The following HERC1 variants were observed in gnomAD, a reference collection of about 807,000 sequenced individuals.
HERC1 encodes the protein HECT and RLD domain containing E3 ubiquitin protein ligase family member 1, also known as probable E3 ubiquitin-protein ligase HERC1.
In HERC1, 160 loss-of-function variants were observed where a neutral mutation model predicts 554.3. The ratio of observed to expected loss-of-function variants is 0.29; its 90% CI spans 0.25 to 0.33. The LOEUF is 0.33. Ranked by LOEUF, HERC1 falls within the 10% of genes least tolerant of loss-of-function variation. The pLI is 1.00. For synonymous variants in HERC1, 2,175 were observed against 2,131.7 expected, an observed-to-expected ratio of 1.02 and a Z score of -0.56; for missense variants, 4,919 against 5,918.5, an observed-to-expected ratio of 0.83 and a Z score of 5.54.
chr15:63,689,157 T>C (rs750177398), intron 33 of HERC1, among the ~76,000 whole-genome samples: 15 of 151,896 alleles, frequency 9.9e-5, no homozygotes, highest in Non-Finnish European at 1.6e-4. Context: ...GTTTTGAAAA[T>C]AACAAAAGGC....
In HERC1 at chr15:63,737,710, C is replaced by T. The variant is rs532287117; in HGVS notation, c.2521-2861G>A. Among the ~76,000 whole-genome samples, 38 of 151,306 alleles carry T rather than the reference C, an allele frequency of 2.5e-4. 1 individual carries two copies. Among genetic ancestry groups the T allele is most frequent in the Admixed American group, 2.0e-4 (3 of 15,166 alleles). ...AATTTTTTAATATTGAAGGTTATGA[C>T]TTTCCCCACATCAGTTCATATCATT... On this transcript the variant is annotated intron_variant, in intron 12 of 77. Transcript: ENST00000443617.
intron 1 of HERC1, among the ~76,000 whole-genome samples, chr15:63,782,800 T>C (rs554697001): frequency 5.9e-5 from 9 of 152,290 alleles, no homozygotes; most frequent in African/African-American, 1.9e-4. Flanking sequence ...GGCCAAAGTA[T>C]CAATATTAAC....
Position 63,678,280 on chromosome 15 carries a change from A to T in HERC1, c.6635T>A (p.Leu2212Gln). Residue 2212 changes from leucine to glutamine, a missense_variant, in exon 37 of 78, where the codon CTG becomes CAG. By Grantham distance (113) the Leu-to-Gln change is moderately radical. Around this residue, in one of 11 missense-constraint regions of HERC1, gnomAD observed 1,963 missense variants for 2,228.6 expected, o/e 0.88. Coordinates refer to ENST00000443617, the MANE Select transcript of HERC1 (RefSeq NM_003922.4). Reference protein sequence around the residue: ...DPICSPVAAVLAEATIQLIRI... With the variant: ...DPICSPVAAVQAEATIQLIRI... ...GATGAGCTGAATAGTGGCCTCAGCC[A>T]GCACTGCTGCTACTGGACTACAAAT... The T allele has an allele frequency of 1.2e-6, 2 of 1,613,818 alleles. No individual in the cohort carries two copies. Among genetic ancestry groups the T allele is most frequent in the South Asian group, 2.2e-5 (2 of 91,056 alleles).
At chr15:63,611,625 C>G (rs2152705145) in intron 77 of HERC1, among the ~76,000 whole-genome samples, 1 of 152,290 alleles carries the variant, frequency 6.6e-6, no homozygotes, top group East Asian at 1.9e-4. Context: ...CAAGGCCATG[C>G]CTCAGCACAG....
chr15:63,661,082 T>C lies in HERC1; in HGVS notation c.9171-57A>G, dbSNP rs754969605. 57 of 1,242,238 alleles carry C rather than the reference T, an allele frequency of 4.6e-5. 2 individuals carry two copies. The Middle Eastern group carries it at 3.9e-3, about 86-fold the overall frequency. The allele number at this position is 1,242,238 out of a possible 1,614,324, so 77.0% of individuals were successfully genotyped here. A position where few individuals can be genotyped will look rare whatever the true frequency, so the allele number is the denominator to read the frequency against. On this transcript the variant is annotated intron_variant, in intron 45 of 77. Transcript: ENST00000443617. ...ATATAAAACAGTTAGTACCCCAAGA[T>C]GCAAATTAAGTCATTAGAACATTTT...
intron 55 of HERC1, 48 bp from the exon 56 acceptor site, chr15:63,645,730 C>A (rs776590480): frequency 3.7e-6 from 4 of 1,092,314 alleles, no homozygotes; most frequent in Non-Finnish European, 5.1e-6. Context: ...GTTTCCTTCA[C>A]AAATACTTTA....
chr15:63,690,923 A>G (rs2072069415), intron 31 of HERC1, among the ~76,000 whole-genome samples: 1 of 152,224 alleles, frequency 6.6e-6, no homozygotes, highest in African/African-American at 2.4e-5. Context: ...CATTTCACAC[A>G]CATACATTCT....
chr15:63,759,050 C>G (rs140804461), intron 3 of HERC1, among the ~76,000 whole-genome samples: 1 of 152,014 alleles, frequency 6.6e-6, no homozygotes, highest in Non-Finnish European at 1.5e-5. Context: ...TTTAATAGGG[C>G]ATTTAGAGTC....
At chr15:63,646,027 AT>A (rs1156854156) in intron 55 of HERC1, among the ~76,000 whole-genome samples, 3 of 152,228 alleles carry the variant, frequency 2.0e-5, no homozygotes, top group Non-Finnish European at 4.4e-5. Context: ...TCATTACAGT[AT>A]AAAAAAGAAG....
chr15:63,797,738 G>A (rs1049911983), intron 1 of HERC1, among the ~76,000 whole-genome samples: 11 of 152,172 alleles, frequency 7.2e-5, no homozygotes, highest in East Asian at 3.8e-4. Flanking sequence ...TTTTGTCTGC[G>A]CAGCAGGCAG....
rs148358840 is a variant in HERC1, at chr15:63,694,996, C to T, written c.5122-102G>A. 6.0e-5 allele frequency: 64 copies of T among 1,074,008 alleles called. No individual in the cohort carries two copies. In the East Asian group the frequency reaches 9.9e-4, roughly 17 times the overall value. The allele number at this position is 1,074,008 out of a possible 1,614,324, so 66.5% of individuals were successfully genotyped here. A position where few individuals can be genotyped will look rare whatever the true frequency, so the allele number is the denominator to read the frequency against. On this transcript the variant is annotated intron_variant, in intron 27 of 77. Transcript: ENST00000443617. The surrounding 1 kb of genome is among the most constrained non-coding windows in gnomAD (Gnocchi z 4.3). ...ATTTCTAGTCTATGCTAGAGCCTTACGATGGTTTTTAATTATTTACTATAT... is the reference window on the plus strand; with the variant it reads ...ATTTCTAGTCTATGCTAGAGCCTTATGATGGTTTTTAATTATTTACTATAT...
At chr15:63,762,355 G>T (rs1292521854) in intron 3 of HERC1, among the ~76,000 whole-genome samples, 1 of 152,014 alleles carries the variant, frequency 6.6e-6, no homozygotes, top group Non-Finnish European at 1.5e-5. Context: ...TGAAGTTTTG[G>T]TCTTATTGCT....
rs1183239730 is a variant in HERC1, at chr15:63,609,092, T to C, written c.14575A>G (p.Thr4859Ala). The C allele has an allele frequency of 6.2e-7, 1 of 1,613,458 alleles. No homozygotes were observed. Among genetic ancestry groups the C allele is most frequent in the African/African-American group, 1.3e-5 (1 of 75,058 alleles). Reference sequence around the variant, plus strand: ...GAGCACCCGCACGGTCAGTAGTCAGTGTCGGAGCCCTCGGCGTTGTCCACG... The same window carrying C: ...GAGCACCCGCACGGTCAGTAGTCAGCGTCGGAGCCCTCGGCGTTGTCCACG... The part of the protein sequence containing the change: ...RNVDNAEGSD[T>A]DY The change falls in exon 78 of 78, where the codon ACT becomes GCT. Residue 4859 changes from threonine to alanine, a missense_variant. This residue lies in a region of HERC1 where 71 missense variants were observed against 101.4 expected (regional missense o/e 0.70). Transcript: ENST00000443617.
In HERC1 at chr15:63,656,023, C is replaced by T. The variant is rs897626216; in HGVS notation, c.9870+65G>A. On this transcript the variant is annotated intron_variant, in intron 49 of 77. Coordinates refer to ENST00000443617, the MANE Select transcript of HERC1 (RefSeq NM_003922.4). ...ATTTTGGAACAAAAATATTTCATTT[C>T]AAAAGGCTCAAGAATCAGTCAGAAA... 4.4e-6 allele frequency: 7 copies of T among 1,595,422 alleles called. No homozygotes were observed. In the Admixed American group the frequency reaches 1.2e-4, roughly 28 times the overall value.
chr15:63,754,382 A>G (rs1233820153), intron 7 of HERC1, 123 bp downstream of exon 7: 1 of 582,178 alleles, frequency 1.7e-6, no homozygotes. Context: ...AGCTCAGTTC[A>G]TTTTTTAATT....
intron 1 of HERC1, among the ~76,000 whole-genome samples, chr15:63,794,041 A>G (rs1276361629): frequency 6.6e-6 from 1 of 152,062 alleles, no homozygotes; most frequent in Non-Finnish European, 1.5e-5. Context: ...TCACTGCTAC[A>G]CTCCCATCAG....
chr15:63,699,747 T>C (rs2072620019), intron 25 of HERC1, among the ~76,000 whole-genome samples: 1 of 144,424 alleles, frequency 6.9e-6, no homozygotes, highest in Non-Finnish European at 1.6e-5. Flanking sequence ...CAGTGGGTAT[T>C]TTTTAAGCTA....
intron 1 of HERC1, among the ~76,000 whole-genome samples, chr15:63,808,663 A>G (rs2077205043): frequency 6.6e-6 from 1 of 152,238 alleles, no homozygotes; most frequent in African/African-American, 2.4e-5. Context: ...CAAGTTCAAC[A>G]GTCTGTTACG....
intron 8 of HERC1, among the ~76,000 whole-genome samples, chr15:63,750,501 TTTTC>T (rs1016377642): frequency 5.3e-5 from 8 of 152,330 alleles, no homozygotes; most frequent in Admixed American, 4.6e-4. Context: ...GAATGATTTT[TTTTC>T]TTTATCTTCA....
Sources: allele counts gnomAD v4.1 joint callset (sites outside exome capture counted in the v4.1 genomes callset), GRCh38; gene constraint gnomAD v4.1.1; regional missense constraint gnomAD v4.1.1; non-coding constraint Gnocchi (gnomAD v3.1); transcripts MANE v1.5; gene names NCBI Gene and HGNC (gene_info 2026-07-23, HGNC 2026-07-21).